LRRTM4: variants seen among roughly 807,000 people sequenced by gnomAD.
LRRTM4 encodes the protein leucine-rich repeat transmembrane neuronal protein 4.
LRRTM4 carries 25 observed loss-of-function variants against 47.6 expected under a neutral mutation model. The ratio of observed to expected loss-of-function variants is 0.53; its 90% CI spans 0.38 to 0.73. The LOEUF (loss-of-function observed/expected upper bound fraction) is 0.73. LRRTM4 is among the 30% of genes least tolerant of loss of function. The probability of loss-of-function intolerance (pLI) is 0.00; values close to 1 mark genes in which losing one functional copy is unlikely to be tolerated. For missense variants in LRRTM4, 638 were observed against 713.4 expected, an observed-to-expected ratio of 0.89 and a Z score of 1.20; for synonymous variants, 311 against 269.5, an observed-to-expected ratio of 1.15 and a Z score of -1.51.
chr2:77,166,561 C>G (rs1173442152), intron 3 of LRRTM4, among the ~76,000 whole-genome samples: 1 of 152,146 alleles, frequency 6.6e-6, no homozygotes, highest in Middle Eastern at 3.2e-3. Flanking sequence ...AACTATATTA[C>G]AAGGCTACAG....
At chr2:76,935,557 G>A (rs189542357) in intron 3 of LRRTM4, among the ~76,000 whole-genome samples, 2 of 152,130 alleles carry the variant, frequency 1.3e-5, no homozygotes, top group Admixed American at 1.3e-4. Context: ...TCCTTGAAAA[G>A]GTCCTTCACA....
At chr2:76,961,083 T>G in intron 3 of LRRTM4, among the ~76,000 whole-genome samples, 1 of 151,458 alleles carries the variant, frequency 6.6e-6, no homozygotes, top group South Asian at 2.1e-4. Context: ...TAACTCATTA[T>G]CTACTTTCAT....
intron 3 of LRRTM4, among the ~76,000 whole-genome samples, chr2:77,186,734 A>C (rs2103869184): frequency 6.6e-6 from 1 of 152,196 alleles, no homozygotes; most frequent in African/African-American, 2.4e-5. Flanking sequence ...CAATTATATG[A>C]TTCCTTCAAC....
intron 3 of LRRTM4, among the ~76,000 whole-genome samples, chr2:76,841,136 G>T (rs1247590105): frequency 3.3e-5 from 5 of 151,144 alleles, no homozygotes; most frequent in African/African-American, 1.2e-4. Flanking sequence ...GGACATGGAT[G>T]AAGCTGGAAA....
chr2:77,478,659 A>G (rs939602314), intron 3 of LRRTM4, among the ~76,000 whole-genome samples: 1 of 152,206 alleles, frequency 6.6e-6, no homozygotes, highest in African/African-American at 2.4e-5. Context: ...ATTGAAAACA[A>G]TCTGGGTTTT....
chr2:77,370,983 A>G (rs1004596628), intron 3 of LRRTM4, among the ~76,000 whole-genome samples: 3 of 151,730 alleles, frequency 2.0e-5, no homozygotes, highest in Non-Finnish European at 4.4e-5. Flanking sequence ...CTGTAATACA[A>G]TTAGTTGGTT....
intron 3 of LRRTM4, among the ~76,000 whole-genome samples, chr2:77,004,042 G>A (rs1677537989): frequency 6.6e-6 from 1 of 152,138 alleles, no homozygotes; most frequent in Non-Finnish European, 1.5e-5. Context: ...AAATAATTTA[G>A]GGTATCCATT....
chr2:77,201,992 G>T (rs748995430), intron 3 of LRRTM4, among the ~76,000 whole-genome samples: 1 of 152,118 alleles, frequency 6.6e-6, no homozygotes, highest in South Asian at 2.1e-4. Context: ...ACAAGAGGTG[G>T]TAATGAGTCT....
chr2:77,459,956 G>A (rs1180672059), intron 3 of LRRTM4, among the ~76,000 whole-genome samples: 4 of 149,950 alleles, frequency 2.7e-5, no homozygotes, highest in African/African-American at 7.3e-5. Flanking sequence ...TTATTACAAT[G>A]CCATTTCATC....
chr2:76,835,352 T>A (rs1671479648), intron 3 of LRRTM4, among the ~76,000 whole-genome samples: 1 of 152,086 alleles, frequency 6.6e-6, no homozygotes, highest in Admixed American at 6.6e-5. Context: ...AGAAACATCA[T>A]GTTTCAGTTT....
intron 3 of LRRTM4, among the ~76,000 whole-genome samples, chr2:77,434,548 T>G (rs1675516732): frequency 6.6e-6 from 1 of 152,140 alleles, no homozygotes; most frequent in African/African-American, 2.4e-5. Context: ...ATTAGAGTTA[T>G]GCAAAAAAGT....
chr2:77,408,528 T>C (rs1220569403), intron 3 of LRRTM4, among the ~76,000 whole-genome samples: 1 of 152,220 alleles, frequency 6.6e-6, no homozygotes, highest in Non-Finnish European at 1.5e-5. Context: ...TCTTAACTTG[T>C]GGAAATTCTG....
intron 3 of LRRTM4, among the ~76,000 whole-genome samples, chr2:76,840,852 T>G (rs1671653796): frequency 6.6e-6 from 1 of 152,062 alleles, no homozygotes; most frequent in South Asian, 2.1e-4. Context: ...TCAACCATTG[T>G]GGAAGTCAGT....
rs151036265 is a variant in LRRTM4, at chr2:76,810,895, A to C, written c.1552-61979T>G. 2.0e-4 allele frequency among the ~76,000 whole-genome samples: 30 copies of C among 152,284 alleles called. No individual in the cohort carries two copies. The South Asian group carries it at 6.2e-3, about 32-fold the overall frequency. On this transcript the variant is annotated intron_variant, in intron 3 of 3. Transcript: ENST00000409884. ...AACATTACACACTATCTTACCATTG[A>C]CACATACTGTGGGTTATTCTGAGAA...
intron 3 of LRRTM4, among the ~76,000 whole-genome samples, chr2:77,274,894 G>A (rs1466955223): frequency 1.3e-5 from 2 of 152,080 alleles, no homozygotes; most frequent in Non-Finnish European, 2.9e-5. Flanking sequence ...ACAAGGATTT[G>A]GTAGCCCTCA....
At chr2:76,833,596 AAATAATAT>A (rs1395518045) in intron 3 of LRRTM4, among the ~76,000 whole-genome samples, 1 of 149,968 alleles carries the variant, frequency 6.7e-6, no homozygotes, top group African/African-American at 2.5e-5. Flanking sequence ...TATTACCAGT[AAATAATAT>A]AATAATATTG....
chr2:77,363,193 C>T (rs1672307450), intron 3 of LRRTM4, among the ~76,000 whole-genome samples: 1 of 152,110 alleles, frequency 6.6e-6, no homozygotes, highest in Non-Finnish European at 1.5e-5. Context: ...TTAAAATTCA[C>T]AGTAAATTTT....
intron 3 of LRRTM4, among the ~76,000 whole-genome samples, chr2:77,048,690 G>A (rs1188504924): frequency 6.6e-6 from 1 of 151,304 alleles, no homozygotes; most frequent in African/African-American, 2.4e-5. Context: ...GTGATATTTT[G>A]ATACATGCAT....
intron 3 of LRRTM4, among the ~76,000 whole-genome samples, chr2:77,040,598 A>C (rs1384451098): frequency 6.6e-6 from 1 of 151,352 alleles, no homozygotes; most frequent in Non-Finnish European, 1.5e-5. Flanking sequence ...GGCAGTTGCA[A>C]AGGCTTATTT....
Sources: allele counts gnomAD v4.1 joint callset (sites outside exome capture counted in the v4.1 genomes callset), GRCh38; gene constraint gnomAD v4.1.1; transcripts MANE v1.5; gene names NCBI Gene and HGNC (gene_info 2026-07-23, HGNC 2026-07-21).